Variants in SGCD observed in about 807,000 individuals in gnomAD.
The protein encoded by SGCD is sarcoglycan delta, also known as delta-sarcoglycan.
A neutral mutation model predicts 36.6 loss-of-function variants in SGCD; 18 were observed. The ratio of observed to expected loss-of-function variants is 0.49; its 90% confidence interval spans 0.34 to 0.73. The LOEUF is 0.73. Ranked by LOEUF, SGCD falls within the 30% of genes least tolerant of loss-of-function variation. SGCD has a pLI of 0.01. For synonymous variants in SGCD, 133 were observed against 130.6 expected, an observed-to-expected ratio of 1.02 and a Z score of -0.12; for missense variants, 387 against 346.7, an observed-to-expected ratio of 1.12 and a Z score of -0.92.
At chr5:156,516,248 G>T (rs2127887960) in intron 4 of SGCD, among the ~76,000 whole-genome samples, 1 of 152,300 alleles carries the variant, frequency 6.6e-6, no homozygotes, top group East Asian at 1.9e-4. Flanking sequence ...CCCCAATAGG[G>T]GTTGCCAGAT....
intron 7 of SGCD, among the ~76,000 whole-genome samples, chr5:156,733,631 T>A (rs1321408666): frequency 1.3e-5 from 2 of 152,040 alleles, no homozygotes; most frequent in African/African-American, 4.8e-5. Context: ...AGTATAGGAG[T>A]CTGAGTCTCT....
At chr5:156,082,516 A>G (rs1298066885) in intron 1 of SGCD, among the ~76,000 whole-genome samples, 1 of 152,234 alleles carries the variant, frequency 6.6e-6, no homozygotes, top group Non-Finnish European at 1.5e-5. Context: ...TTAACTCCAC[A>G]TAATCCTCTG....
chr5:155,774,044 C>T, the SGCD span, among the ~76,000 whole-genome samples: 1 of 152,092 alleles, frequency 6.6e-6, no homozygotes, highest in Non-Finnish European at 1.5e-5. Flanking sequence ...TATAATTATG[C>T]CTCCCCTCTC....
intron 1 of SGCD, among the ~76,000 whole-genome samples, chr5:156,107,184 C>T (rs185437065): frequency 1.4e-4 from 21 of 152,214 alleles, no homozygotes; most frequent in Non-Finnish European, 2.1e-4. Flanking sequence ...CAAATAAAGC[C>T]GGCAATTATG....
chr5:156,240,907 T>C (rs1352348466), intron 3 of SGCD, among the ~76,000 whole-genome samples: 1 of 152,204 alleles, frequency 6.6e-6, no homozygotes, highest in Non-Finnish European at 1.5e-5. Flanking sequence ...ACATCAGTAT[T>C]TGAGAAGTTG....
At chr5:156,340,244 T>G (rs1351954705) in intron 2 of SGCD, among the ~76,000 whole-genome samples, 2 of 152,372 alleles carry the variant, frequency 1.3e-5, no homozygotes, top group Non-Finnish European at 2.9e-5. Flanking sequence ...AGTTGAATTC[T>G]ACATTTGACA....
At chr5:155,869,702 T>C (rs1036134907), upstream of SGCD, among the ~76,000 whole-genome samples, 4 of 151,932 alleles carry the variant, frequency 2.6e-5, no homozygotes, top group Non-Finnish European at 4.4e-5. Context: ...ACAAAAGAGA[T>C]ATGAAACTGT....
chr5:156,569,358 G>A (rs528607595), intron 4 of SGCD, among the ~76,000 whole-genome samples: 5 of 152,170 alleles, frequency 3.3e-5, no homozygotes, highest in East Asian at 3.9e-4. Context: ...TTGGGAGGCC[G>A]AGGCAGGCGG....
chr5:156,181,521 G>A (rs1362250665), intron 3 of SGCD, among the ~76,000 whole-genome samples: 1 of 152,192 alleles, frequency 6.6e-6, no homozygotes. Flanking sequence ...TTACAATAGG[G>A]AGAACTCCCC....
At chr5:155,888,921 C>T (rs1228651085) in intron 1 of SGCD, among the ~76,000 whole-genome samples, 2 of 152,186 alleles carry the variant, frequency 1.3e-5, no homozygotes, top group African/African-American at 4.8e-5. Context: ...ATTGGATCTA[C>T]CTTAATTGGC....
At chr5:156,239,723 A>C (rs1765262145) in intron 3 of SGCD, among the ~76,000 whole-genome samples, 1 of 152,138 alleles carries the variant, frequency 6.6e-6, no homozygotes, top group South Asian at 2.1e-4. Context: ...GGGAGTGTGA[A>C]GAAAGTATTT....
chr5:156,514,575 C>T lies in SGCD; in HGVS notation c.294+5873C>T, dbSNP rs1166733301. 2.0e-5 allele frequency among the ~76,000 whole-genome samples: 3 copies of T among 151,972 alleles called. No homozygotes were observed. The East Asian group carries it at 5.8e-4, about 29-fold the overall frequency. ...TTTATGTCTTTTAAAATATTTTATC[C>T]CGTAAAAAATCTTGGCTCTGCCTAT... On this transcript the variant is annotated intron_variant, in intron 4 of 8. Coordinates refer to ENST00000337851, the MANE Select transcript of SGCD (RefSeq NM_000337.6).
the SGCD span, among the ~76,000 whole-genome samples, chr5:155,849,293 C>T: frequency 6.6e-6 from 1 of 152,042 alleles, no homozygotes; most frequent in Non-Finnish European, 1.5e-5. Context: ...TTTAAGTTCA[C>T]CAACTGAAAT....
chr5:156,150,088 GTT>G (rs984102987), intron 3 of SGCD, among the ~76,000 whole-genome samples: 75 of 152,246 alleles, frequency 4.9e-4, no homozygotes, highest in African/African-American at 1.7e-3. Context: ...GAAGTGTGCT[GTT>G]AGAATTAGGG....
chr5:156,153,961 C>T lies in SGCD; in HGVS notation c.-44+29942C>T, dbSNP rs371745338. On this transcript the variant is annotated intron_variant, in intron 3 of 9. Coordinates refer to the SGCD transcript ENST00000517913. ...TAAGCATTGGAACACTTTTTGCACA[C>T]GACATGTTACCTGGAATCTTTATAA... Among the ~76,000 whole-genome samples the T allele has an allele frequency of 5.3e-5, 8 of 151,576 alleles. No homozygotes were observed. The East Asian group carries it at 5.8e-4, about 11-fold the overall frequency.
rs191373760 is a variant in SGCD, at chr5:156,329,613, G to T, written c.3+34G>T. The T allele has an allele frequency of 1.9e-3, 3,088 of 1,603,066 alleles. 2 individuals carry two copies. The highest frequency in any genetic ancestry group is 2.5e-3 in the Non-Finnish European group (2,879 of 1,172,082). ...TTCCCGGGAGCGAAGCTTGTTCAAG[G>T]CCCTGCTCATGGTCATTTTATTATT... On this transcript the variant is annotated intron_variant, in intron 2 of 8. Transcript: ENST00000337851.
intron 3 of SGCD, among the ~76,000 whole-genome samples, chr5:156,169,256 G>A (rs1289456882): frequency 6.6e-6 from 1 of 152,220 alleles, no homozygotes; most frequent in African/African-American, 2.4e-5. Flanking sequence ...CCTATTTACA[G>A]TACTCAGGCC....
At chr5:156,105,501 T>C (rs1016083600) in intron 1 of SGCD, among the ~76,000 whole-genome samples, 1 of 152,208 alleles carries the variant, frequency 6.6e-6, no homozygotes, top group Non-Finnish European at 1.5e-5. Context: ...AAAAGAGTAA[T>C]GTTTCAGTAT....
chr5:156,744,338 A>G (rs1286002060), intron 7 of SGCD, among the ~76,000 whole-genome samples: 1 of 152,238 alleles, frequency 6.6e-6, no homozygotes, highest in Non-Finnish European at 1.5e-5. Context: ...AGCCACAGGC[A>G]CTGTTGGAGA....
Sources: gnomAD v4.1 joint callset for allele counts (sites outside exome capture counted in the v4.1 genomes callset) on GRCh38, gnomAD v4.1.1 for gene constraint, MANE v1.5 for transcripts, NCBI Gene and HGNC (gene_info 2026-07-23, HGNC 2026-07-21) for gene names.